Variants in THRB observed in about 807,000 individuals in gnomAD.
THRB encodes thyroid hormone receptor beta, also known as nuclear receptor subfamily 1 group A member 2.
In THRB, 12 loss-of-function variants were observed where a neutral mutation model predicts 47.8. The ratio of observed to expected loss-of-function variants is 0.25; its 90% CI spans 0.16 to 0.41. The LOEUF (loss-of-function observed/expected upper bound fraction) is 0.41, where lower values mean the gene tolerates loss of function less well. Ranked by LOEUF, THRB falls within the 10% of genes least tolerant of loss-of-function variation. THRB has a pLI of 1.00. For synonymous variants in THRB, 218 were observed against 212.2 expected (o/e 1.03, Z -0.24); for missense variants, 348 against 589.2 (o/e 0.59, Z 4.24).
intron 4 of THRB, among the ~76,000 whole-genome samples, chr3:24,222,841 C>T (rs1313389380): frequency 2.0e-5 from 3 of 152,154 alleles, no homozygotes; most frequent in Admixed American, 6.5e-5. Flanking sequence ...TTCTGCCAAA[C>T]TATTCATGGC....
intron 1 of THRB, among the ~76,000 whole-genome samples, chr3:24,440,259 G>C (rs1278303905): frequency 6.6e-6 from 1 of 152,082 alleles, no homozygotes; most frequent in Non-Finnish European, 1.5e-5. Context: ...CTCAAAGTAT[G>C]TGCCATGCTT....
At chr3:24,325,438 G>C (rs977628036) in intron 2 of THRB, among the ~76,000 whole-genome samples, 4 of 152,242 alleles carry the variant, frequency 2.6e-5, no homozygotes, top group Admixed American at 6.5e-5. Flanking sequence ...TGTAGTCCCA[G>C]CACTTTGGGA....
chr3:24,351,107 G>T (rs1382999385), intron 1 of THRB, among the ~76,000 whole-genome samples: 2 of 151,238 alleles, frequency 1.3e-5, no homozygotes, highest in African/African-American at 4.9e-5. Context: ...TTTTTTTCTT[G>T]TGTATAGTTG....
intron 10 of THRB, among the ~76,000 whole-genome samples, chr3:24,124,866 G>A (rs2032433908): frequency 6.6e-6 from 1 of 152,196 alleles, no homozygotes; most frequent in Non-Finnish European, 1.5e-5. Context: ...AATGCACAAT[G>A]TCTTGTAATA....
At chr3:24,476,437 G>A (rs534705048) in intron 1 of THRB, among the ~76,000 whole-genome samples, 1 of 152,172 alleles carries the variant, frequency 6.6e-6, no homozygotes, top group Non-Finnish European at 1.5e-5. Flanking sequence ...TTGTTTCAAT[G>A]GTTGCCATCT....
rs1232469602 is a variant in THRB at position 24,396,906 on chromosome 3, C to T, written c.-260-59535G>A. Among the ~76,000 whole-genome samples the T allele has an allele frequency of 2.6e-5, 4 of 151,948 alleles. 1 individual carries two copies. Among genetic ancestry groups the T allele is most frequent in the Non-Finnish European group, 5.9e-5 (4 of 67,988 alleles). On this transcript the variant is annotated intron_variant, in intron 1 of 10. Coordinates refer to ENST00000646209, the MANE Select transcript of THRB (RefSeq NM_001354712.2). ...CTAGTGCTTTCCTGGCTATCAATAC[C>T]AGATATAAAAATGTTGAATGACCAA... is the stretch of plus-strand genomic sequence containing the variant.
chr3:24,173,167 A>C (rs112005805), intron 5 of THRB, among the ~76,000 whole-genome samples: 3,152 of 152,236 alleles, frequency 0.021, 104 homozygotes, highest in African/African-American at 0.071. Flanking sequence ...CAAGCCCTCC[A>C]GGGGATTCTG....
chr3:24,407,388 C>T (rs1019018525), intron 1 of THRB, among the ~76,000 whole-genome samples: 2 of 151,518 alleles, frequency 1.3e-5, no homozygotes, highest in Admixed American at 6.6e-5. Flanking sequence ...TATTTTCATG[C>T]GCGATTCATT....
intron 2 of THRB, among the ~76,000 whole-genome samples, chr3:24,322,197 G>A (rs891735257): frequency 6.6e-6 from 1 of 152,080 alleles, no homozygotes; most frequent in Non-Finnish European, 1.5e-5. Context: ...ATATTGATTT[G>A]GAGAGAAACA....
At chr3:24,310,756 T>G (rs1301199862) in intron 2 of THRB, among the ~76,000 whole-genome samples, 3 of 152,162 alleles carry the variant, frequency 2.0e-5, no homozygotes. Context: ...TCTATTGGCA[T>G]CTAGTGGGTA....
chr3:24,465,335 A>C (rs910053019), intron 1 of THRB, among the ~76,000 whole-genome samples: 41 of 151,942 alleles, frequency 2.7e-4, no homozygotes, highest in African/African-American at 9.4e-4. Context: ...CGTTATCTCT[A>C]CTCCAACCCC....
intron 4 of THRB, among the ~76,000 whole-genome samples, chr3:24,212,788 A>G (rs1260229383): frequency 6.6e-6 from 1 of 152,140 alleles, no homozygotes; most frequent in Admixed American, 6.5e-5. Flanking sequence ...GAAGGTAAAT[A>G]GCCCTCATCT....
chr3:24,435,924 G>A (rs555801014), intron 1 of THRB, among the ~76,000 whole-genome samples: 15 of 152,268 alleles, frequency 9.9e-5, no homozygotes, highest in African/African-American at 3.6e-4. Context: ...TGCCGCTTAA[G>A]TGACTAGAGA....
Position 24,268,927 on chromosome 3 carries a change from C to T in THRB, c.-43+28299G>A, listed in dbSNP as rs138575496. Among the ~76,000 whole-genome samples the T allele has an allele frequency of 2.8e-3, 422 of 152,198 alleles. 11 individuals carry two copies. The highest frequency in any genetic ancestry group is 0.026 in the East Asian group (133 of 5,178). Reference sequence around the variant, plus strand: ...AAGAAAATAGAAAATTTCTTACATACTTTTAGCACTGGCATTATTAATGTA... The same window carrying T: ...AAGAAAATAGAAAATTTCTTACATATTTTTAGCACTGGCATTATTAATGTA... On this transcript the variant is annotated intron_variant, in intron 3 of 10. Transcript: ENST00000646209.
At chr3:24,353,920 G>C (rs2063511367) in intron 1 of THRB, among the ~76,000 whole-genome samples, 1 of 152,108 alleles carries the variant, frequency 6.6e-6, no homozygotes, top group Non-Finnish European at 1.5e-5. Flanking sequence ...AGGATACTAA[G>C]TACATCATTT....
At chr3:24,291,636 T>C (rs1482961083) in intron 3 of THRB, among the ~76,000 whole-genome samples, 1 of 152,140 alleles carries the variant, frequency 6.6e-6, no homozygotes, top group African/African-American at 2.4e-5. Flanking sequence ...AGAAAAAAGG[T>C]TTATACATGT....
chr3:24,360,939 A>G (rs1180574371), intron 1 of THRB, among the ~76,000 whole-genome samples: 1 of 151,984 alleles, frequency 6.6e-6, no homozygotes, highest in Non-Finnish European at 1.5e-5. Flanking sequence ...TTTTTGAAAA[A>G]CCACCTCACG....
At chr3:24,206,167 G>A (rs577311711) in intron 4 of THRB, among the ~76,000 whole-genome samples, 1 of 152,280 alleles carries the variant, frequency 6.6e-6, no homozygotes, top group East Asian at 1.9e-4. Flanking sequence ...GACATCTACA[G>A]AACTGTCCAC....
chr3:24,135,609 C>T (rs1238327101), intron 8 of THRB, among the ~76,000 whole-genome samples: 1 of 151,988 alleles, frequency 6.6e-6, no homozygotes, highest in Non-Finnish European at 1.5e-5. Flanking sequence ...TTCCCTCTTT[C>T]TCACCTAGAT....
Sources: gnomAD v4.1 joint callset for allele counts (sites outside exome capture counted in the v4.1 genomes callset) on GRCh38, gnomAD v4.1.1 for gene constraint, MANE v1.5 for transcripts, NCBI Gene and HGNC (gene_info 2026-07-23, HGNC 2026-07-21) for gene names.